TNN: variants seen among roughly 807,000 people sequenced by gnomAD.
TNN encodes tenascin N, also known as tenascin-N.
In TNN, 122 loss-of-function variants were observed where a neutral mutation model predicts 134.4. The observed-to-expected ratio is 0.91, with a 90% CI of 0.78 to 1.06. The LOEUF (loss-of-function observed/expected upper bound fraction) is 1.06. TNN is among the 50% of genes least tolerant of loss of function. The pLI, the probability that TNN is intolerant of heterozygous loss-of-function variation, is 0.00. For missense variants in TNN, 1,739 were observed against 1,699.4 expected (o/e 1.02, Z -0.41); for synonymous variants, 710 against 670.3 (o/e 1.06, Z -0.91).
intron 4 of TNN, among the ~76,000 whole-genome samples, chr1:175,081,760 G>A (rs1490702959): frequency 6.6e-6 from 1 of 152,200 alleles, no homozygotes; most frequent in African/African-American, 2.4e-5. Context: ...AGGTATCTCA[G>A]TAAGACAGCG....
intron 2 of TNN, among the ~76,000 whole-genome samples, chr1:175,078,750 T>A (rs1345731332): frequency 6.6e-6 from 1 of 152,106 alleles, no homozygotes; most frequent in Non-Finnish European, 1.5e-5. Flanking sequence ...CTGTGTAGGG[T>A]CAGAGAGGGG....
chr1:175,106,306 T>C (rs574559067), intron 9 of TNN, among the ~76,000 whole-genome samples: 1 of 145,944 alleles, frequency 6.9e-6, no homozygotes, highest in Admixed American at 6.9e-5. Context: ...GTGACACCTT[T>C]TGTTCTCACT....
Position 175,127,101 on chromosome 1 carries a change from G to A in TNN, c.3045+16G>A. ...CACAGTTAAGGTACGGGGATTCCTTGTCTTTTCTCCTGGTGCCTTCTCTTC... is the reference window on the plus strand; with the variant it reads ...CACAGTTAAGGTACGGGGATTCCTTATCTTTTCTCCTGGTGCCTTCTCTTC... On this transcript the variant is annotated intron_variant, in intron 13 of 18. Transcript: ENST00000239462. The A allele has an allele frequency of 6.2e-7, 1 of 1,609,762 alleles. No homozygotes were observed. The highest frequency in any genetic ancestry group is 8.5e-7 in the Non-Finnish European group (1 of 1,178,778).
chr1:175,087,567 A>G (rs985567305), intron 6 of TNN, among the ~76,000 whole-genome samples: 8 of 152,232 alleles, frequency 5.3e-5, no homozygotes, highest in African/African-American at 1.7e-4. Flanking sequence ...ACCTTCCTGT[A>G]AGAGATAAAC....
intron 1 of TNN, among the ~76,000 whole-genome samples, chr1:175,076,424 C>T (rs1288245284): frequency 3.9e-5 from 6 of 152,290 alleles, no homozygotes; most frequent in East Asian, 1.9e-4. Flanking sequence ...AACAGGCTCA[C>T]GGCCTAAGAC....
intron 9 of TNN, among the ~76,000 whole-genome samples, chr1:175,100,169 T>C (rs1674682394): frequency 6.6e-6 from 1 of 152,238 alleles, no homozygotes; most frequent in Non-Finnish European, 1.5e-5. Flanking sequence ...CCCCAAGCTT[T>C]GGGCTTTCTC....
At chr1:175,092,249 G>C (rs1674468644) in intron 6 of TNN, among the ~76,000 whole-genome samples, 1 of 152,184 alleles carries the variant, frequency 6.6e-6, no homozygotes, top group Admixed American at 6.5e-5. Context: ...AGGATGGGGA[G>C]AGAGTTCTCT....
intron 17 of TNN, among the ~76,000 whole-genome samples, chr1:175,143,700 A>T (rs1253034783): frequency 6.6e-6 from 1 of 152,132 alleles, no homozygotes; most frequent in Non-Finnish European, 1.5e-5. Flanking sequence ...AGATGGTGGG[A>T]TGCAAGACTG....
chr1:175,129,321 T>C (rs1675618623), intron 15 of TNN, among the ~76,000 whole-genome samples: 1 of 152,106 alleles, frequency 6.6e-6, no homozygotes, highest in Non-Finnish European at 1.5e-5. Context: ...CCCTTAACCA[T>C]AAACATCTGG....
chr1:175,137,544 C>G (rs903719024), intron 17 of TNN, among the ~76,000 whole-genome samples: 8 of 152,184 alleles, frequency 5.3e-5, no homozygotes, highest in Non-Finnish European at 8.8e-5. Flanking sequence ...CCTTTAGCCT[C>G]TAGTAGCTGC....
intron 17 of TNN, among the ~76,000 whole-genome samples, chr1:175,137,363 AGTGTGTGTGT>A (rs36158819): frequency 0.048 from 3,034 of 62,662 alleles, 94 homozygotes; most frequent in African/African-American, 0.14. Context: ...TCTGCACAGT[AGTGTGTGTGT>A]GTGTGTGTGT....
intron 1 of TNN, among the ~76,000 whole-genome samples, chr1:175,070,883 G>A (rs1328832699): frequency 1.3e-5 from 2 of 152,168 alleles, no homozygotes; most frequent in Non-Finnish European, 2.9e-5. Context: ...GTACAGGGAA[G>A]GCCCCTGAGT....
chr1:175,117,033 T>C lies in TNN; in HGVS notation c.2214T>C (p.Tyr738=), dbSNP rs961709920. 31 of 1,614,046 alleles carry C rather than the reference T, an allele frequency of 1.9e-5. No individual in the cohort carries two copies. The highest frequency in any genetic ancestry group is 2.4e-5 in the Non-Finnish European group (28 of 1,180,036). ...WDPVRATIDR[Y]VVRYTSAKDG... Reference sequence around the variant, plus strand: ...CGGTGCGGGCCACCATTGACAGGTATGTGGTGCGCTACACCTCTGCCAAGG... The same window carrying C: ...CGGTGCGGGCCACCATTGACAGGTACGTGGTGCGCTACACCTCTGCCAAGG... The change falls in exon 10 of 19, where the codon TAT becomes TAC. Residue 738 remains tyrosine (Y), a synonymous_variant. Coordinates refer to ENST00000239462, the MANE Select transcript of TNN (RefSeq NM_022093.2).
rs904140417 is a variant in TNN, at chr1:175,128,076, C to T, written c.3090C>T (p.Gly1030=). 16 of 1,613,994 alleles carry T rather than the reference C, an allele frequency of 9.9e-6. No homozygotes were observed. The African/African-American group carries it at 2.0e-4, about 20-fold the overall frequency. ...GREDQRFALQ[G]LEQGATYPVS... ...AAGACCAGAGGTTTGCGTTGCAAGG[C>T]CTTGAGCAAGGCGCCACCTACCCTG... Residue 1030 remains glycine (G), a synonymous_variant, in exon 14 of 19, where the codon GGC becomes GGT. Coordinates refer to ENST00000239462, the MANE Select transcript of TNN (RefSeq NM_022093.2).
Position 175,083,832 on chromosome 1 carries a change from G to A in TNN, c.1131G>A (p.Glu377=), listed in dbSNP as rs1238293069. ...TGGAGTGGGAAAACCCCTCAACTGA[G>A]GTGGACTACTACAAGCTGCGATATG... The part of the protein sequence containing the change: ...LDVEWENPST[E]VDYYKLRYGP... The change falls in exon 5 of 19, where the codon GAG becomes GAA. Residue 377 remains glutamate, a synonymous_variant. Coordinates refer to ENST00000239462, the MANE Select transcript of TNN (RefSeq NM_022093.2). The A allele has an allele frequency of 6.2e-7, 1 of 1,614,208 alleles. No homozygotes were observed. The highest frequency in any genetic ancestry group is 8.5e-7 in the Non-Finnish European group (1 of 1,180,038).
In TNN at chr1:175,096,801, C is replaced by T. The variant is rs75689630; in HGVS notation, c.1589-616C>T. Among the ~76,000 whole-genome samples the T allele has an allele frequency of 1.7e-3, 257 of 152,300 alleles. 4 individuals are homozygous for T. The East Asian group carries it at 0.047, about 28-fold the overall frequency. On this transcript the variant is annotated intron_variant, in intron 7 of 18. Transcript: ENST00000239462. ...TGAGGAGACAGACACTTAAATTACA[C>T]GGCTTGTCCAAAGTTAGCCACCAGG... is the stretch of plus-strand genomic sequence containing the variant.
intron 3 of TNN, 63 bp from the exon 4 acceptor site, chr1:175,080,100 C>T: frequency 6.3e-7 from 1 of 1,588,596 alleles, no homozygotes; most frequent in Non-Finnish European, 8.6e-7. Flanking sequence ...TCAGGGAATA[C>T]TCACTGGGTC....
chr1:175,115,632 C>T (rs574823590), intron 9 of TNN, among the ~76,000 whole-genome samples: 4 of 152,186 alleles, frequency 2.6e-5, no homozygotes, highest in South Asian at 2.1e-4. Context: ...CTACTCACCC[C>T]GAGAGCAAGA....
At chr1:175,144,345 G>A (rs1208915491) in intron 17 of TNN, 42 bp from the exon 18 acceptor site, 2 of 1,594,524 alleles carry the variant, frequency 1.3e-6, no homozygotes, top group East Asian at 2.2e-5. Flanking sequence ...TCTCCTCGGT[G>A]GCTAACCCTG....
Sources: allele counts gnomAD v4.1 joint callset (sites outside exome capture counted in the v4.1 genomes callset), GRCh38; gene constraint gnomAD v4.1.1; transcripts MANE v1.5; gene names NCBI Gene and HGNC (gene_info 2026-07-23, HGNC 2026-07-21).